The following ARHGEF28 variants were observed in gnomAD, a reference collection of about 807,000 sequenced individuals.
ARHGEF28 encodes the protein Rho guanine nucleotide exchange factor 28, also known as 190 kDa guanine nucleotide exchange factor.
Under a neutral mutation model 206.6 loss-of-function variants are expected in ARHGEF28, and 152 were observed. That is an observed-to-expected ratio of 0.74 (90% CI 0.64 to 0.84). The LOEUF (loss-of-function observed/expected upper bound fraction) is 0.84. Ranked by LOEUF, ARHGEF28 falls within the 40% of genes least tolerant of loss-of-function variation. ARHGEF28 has a pLI of 0.00. For missense variants in ARHGEF28, 2,028 were observed against 2,073.2 expected (o/e 0.98, Z 0.42); for synonymous variants, 763 against 776.4 (o/e 0.98, Z 0.29).
intron 1 of ARHGEF28, among the ~76,000 whole-genome samples, chr5:73,653,831 C>G (rs138068300): frequency 5.3e-5 from 8 of 152,170 alleles, no homozygotes; most frequent in South Asian, 2.1e-4. Context: ...TGTTCCCCCC[C>G]GTCATGGCAC....
At chr5:73,877,991 G>C (rs1760640897) in intron 22 of ARHGEF28, among the ~76,000 whole-genome samples, 1 of 152,158 alleles carries the variant, frequency 6.6e-6, no homozygotes, top group African/African-American at 2.4e-5. Context: ...TTAACTTTCT[G>C]TCTGGTTGAT....
chr5:73,665,051 CTGTA>C (rs1402389975), intron 1 of ARHGEF28, among the ~76,000 whole-genome samples: 1 of 152,140 alleles, frequency 6.6e-6, no homozygotes, highest in Admixed American at 6.6e-5. Flanking sequence ...TCTTTCCCCT[CTGTA>C]TGACATTGCT....
At chr5:73,841,278 T>G (rs1372632429) in intron 11 of ARHGEF28, among the ~76,000 whole-genome samples, 2 of 152,174 alleles carry the variant, frequency 1.3e-5, no homozygotes, top group Non-Finnish European at 2.9e-5. Context: ...TACATCTGCA[T>G]GCATAATAAC....
At chr5:73,681,875 G>A (rs1278908000) in intron 1 of ARHGEF28, among the ~76,000 whole-genome samples, 2 of 152,088 alleles carry the variant, frequency 1.3e-5, no homozygotes, top group African/African-American at 4.8e-5. Context: ...CAAGGCAGGA[G>A]GATCACTTGA....
At chr5:73,718,989 A>G (rs536189394) in intron 2 of ARHGEF28, among the ~76,000 whole-genome samples, 28 of 152,330 alleles carry the variant, frequency 1.8e-4, no homozygotes, top group South Asian at 1.7e-3. Context: ...ACAGAGAGTC[A>G]GCTGCCACTC....
intron 9 of ARHGEF28, among the ~76,000 whole-genome samples, chr5:73,815,369 G>C (rs12658170): frequency 0.076 from 11,628 of 152,076 alleles, 767 homozygotes; most frequent in African/African-American, 0.17. Flanking sequence ...GGATATCCTT[G>C]AGCTTTTCTG....
chr5:73,845,986 CAA>C (rs57600570), intron 11 of ARHGEF28, among the ~76,000 whole-genome samples: 12,907 of 62,854 alleles, frequency 0.21, 677 homozygotes, highest in Non-Finnish European at 0.29. Flanking sequence ...AAAACTGTCT[CAA>C]AAAAAAAAAA....
chr5:73,702,707 TTC>T (rs1052517973), intron 2 of ARHGEF28, among the ~76,000 whole-genome samples: 2 of 152,168 alleles, frequency 1.3e-5, no homozygotes, highest in African/African-American at 4.8e-5. Flanking sequence ...ACTTTTTATG[TTC>T]TGTTTTTTTA....
At chr5:73,847,046 A>C (rs917349415) in intron 12 of ARHGEF28, among the ~76,000 whole-genome samples, 4 of 152,072 alleles carry the variant, frequency 2.6e-5, no homozygotes, top group African/African-American at 9.7e-5. Context: ...TTATTTACTT[A>C]TTTATTTATT....
At position 73,909,557 on chromosome 5, in the gene ARHGEF28, A is replaced by T; in HGVS notation, c.4307A>T (p.Glu1436Val). Reference protein sequence around the residue: ...KSRDADRQHEELANVHQLQHQ... With the variant: ...KSRDADRQHEVLANVHQLQHQ... ...CGCGACGCGGACAGGCAGCATGAGG[A>T]GCTGGCCAATGTGCACCAGCTTCAG... Residue 1436 changes from glutamate (E) to valine (V), a missense_variant, in exon 34 of 36, where the codon GAG becomes GTG. Transcript: ENST00000513042. 6.3e-7 allele frequency: 1 copy of T among 1,575,778 alleles called. No homozygotes were observed. Among genetic ancestry groups the T allele is most frequent in the Non-Finnish European group, 8.6e-7 (1 of 1,160,834 alleles).
intron 4 of ARHGEF28, among the ~76,000 whole-genome samples, chr5:73,761,970 A>C (rs1752623057): frequency 6.7e-6 from 1 of 148,870 alleles, no homozygotes; most frequent in African/African-American, 2.5e-5. Flanking sequence ...AACTGGGACT[A>C]TAGGTGTGTG....
intron 1 of ARHGEF28, among the ~76,000 whole-genome samples, chr5:73,632,151 A>G (rs2112117289): frequency 6.6e-6 from 1 of 152,296 alleles, no homozygotes; most frequent in East Asian, 1.9e-4. Flanking sequence ...CACTGCAAGT[A>G]CTAGTGGTGG....
intron 29 of ARHGEF28, among the ~76,000 whole-genome samples, chr5:73,895,155 T>C (rs115051119): frequency 6.6e-4 from 101 of 152,212 alleles, no homozygotes; most frequent in Non-Finnish European, 1.0e-3. Flanking sequence ...AGGAGGGACT[T>C]GACTTGTGGT....
At chr5:73,910,691 GCTT>G (rs1176265950) in intron 34 of ARHGEF28, among the ~76,000 whole-genome samples, 7 of 152,134 alleles carry the variant, frequency 4.6e-5, no homozygotes, top group Non-Finnish European at 8.8e-5. Context: ...GTTATGCTGA[GCTT>G]CTTCTCTCTT....
rs62357693 is a variant in ARHGEF28 at position 73,757,322 on chromosome 5, T to A, written c.475+4120T>A. On this transcript the variant is annotated intron_variant, in intron 4 of 35. Transcript: ENST00000513042. ...TTTTCTTCCAGTACTTGTCCAAAAA[T>A]TATTTTAATGCTCAGTGTTCACTTT... 7.6e-3 allele frequency among the ~76,000 whole-genome samples: 1,165 copies of A among 152,344 alleles called. 11 individuals carry two copies. The highest frequency in any genetic ancestry group is 0.011 in the Non-Finnish European group (754 of 68,022).
intron 1 of ARHGEF28, among the ~76,000 whole-genome samples, chr5:73,632,387 G>C (rs1743424053): frequency 1.3e-5 from 2 of 152,130 alleles, no homozygotes; most frequent in Non-Finnish European, 2.9e-5. Context: ...TTTTTCTCTA[G>C]TCTCCAGAAG....
intron 30 of ARHGEF28, chr5:73,899,562 G>C (rs1321294668): frequency 6.6e-6 from 1 of 152,300 alleles, no homozygotes; most frequent in East Asian, 1.9e-4. Flanking sequence ...GGCCTCTTCA[G>C]TTCTGGGTCA....
Position 73,900,181 on chromosome 5 carries a change from A to C in ARHGEF28, c.3974-1003A>C, listed in dbSNP as rs114098489. On this transcript the variant is annotated intron_variant, in intron 30 of 35. Coordinates refer to ENST00000513042, the MANE Select transcript of ARHGEF28 (RefSeq NM_001177693.2). ...GAAGAGGTCTTTGAAATCCTAGAGG[A>C]CTCTCATTTTCCAAAGACATAAGTA... 3.0e-3 allele frequency: 463 copies of C among 152,252 alleles called. 2 individuals are homozygous for C. The highest frequency in any genetic ancestry group is 0.011 in the African/African-American group (445 of 41,522). 9.4% of individuals were successfully genotyped at this position (152,252 alleles called of 1,614,324 possible).
chr5:73,715,679 A>G (rs1373453688), intron 2 of ARHGEF28, among the ~76,000 whole-genome samples: 1 of 152,240 alleles, frequency 6.6e-6, no homozygotes, highest in African/African-American at 2.4e-5. Flanking sequence ...CCTATAGCTC[A>G]TAGCACATCC....
Sources: gnomAD v4.1 joint callset for allele counts (sites outside exome capture counted in the v4.1 genomes callset) on GRCh38, gnomAD v4.1.1 for gene constraint, MANE v1.5 for transcripts, NCBI Gene and HGNC (gene_info 2026-07-23, HGNC 2026-07-21) for gene names.